The following MDGA2 variants were observed in gnomAD, a reference collection of about 807,000 sequenced individuals.
MDGA2 encodes the protein MAM domain containing glycosylphosphatidylinositol anchor 2, also known as MAM domain-containing glycosylphosphatidylinositol anchor protein 2.
Under a neutral mutation model 117.8 loss-of-function variants are expected in MDGA2, and 40 were observed. That is an observed-to-expected ratio of 0.34 (90% CI 0.26 to 0.44). MDGA2 has a LOEUF of 0.44. MDGA2 is among the 20% of genes least tolerant of loss of function. The probability of loss-of-function intolerance (pLI) is 1.00; values close to 1 mark genes in which losing one functional copy is unlikely to be tolerated. For missense variants in MDGA2, 1,123 were observed against 1,250.6 expected, an observed-to-expected ratio of 0.90 and a Z score of 1.54; for synonymous variants, 452 against 439.0, an observed-to-expected ratio of 1.03 and a Z score of -0.37.
At chr14:47,030,024 C>T (rs537586628) in intron 8 of MDGA2, among the ~76,000 whole-genome samples, 3 of 151,958 alleles carry the variant, frequency 2.0e-5, no homozygotes, top group African/African-American at 7.2e-5. Context: ...GTTGGGGTTT[C>T]ACCATGTTGG....
rs539507240 is a variant in MDGA2, at chr14:47,514,628, C to T, written c.280+159889G>A. Among the ~76,000 whole-genome samples, 10 of 152,160 alleles carry T rather than the reference C, an allele frequency of 6.6e-5. No homozygotes were observed. The South Asian group carries it at 1.0e-3, about 16-fold the overall frequency. On this transcript the variant is annotated intron_variant, in intron 1 of 16. Coordinates refer to ENST00000399232, the MANE Select transcript of MDGA2 (RefSeq NM_001113498.3). The stretch of plus-strand genomic sequence containing the variant: ...TGCCTTGCAGTCCATTTTATACAGA[C>T]GGGGTCTTATTTTATACACATATAA...
At chr14:47,333,496 T>C (rs994051512) in intron 1 of MDGA2, among the ~76,000 whole-genome samples, 1 of 151,898 alleles carries the variant, frequency 6.6e-6, no homozygotes, top group African/African-American at 2.4e-5. Context: ...TATGAAAATC[T>C]TTATTTTGGC....
At chr14:47,100,787 G>C (rs1451664214) in intron 5 of MDGA2, among the ~76,000 whole-genome samples, 1 of 152,060 alleles carries the variant, frequency 6.6e-6, no homozygotes, top group African/African-American at 2.4e-5. Context: ...CTAAATTATA[G>C]ATTATTTTAA....
At chr14:47,018,733 G>GAAAAAAAAAAAAAAA (rs60442845) in intron 8 of MDGA2, among the ~76,000 whole-genome samples, 5 of 38,652 alleles carry the variant, frequency 1.3e-4, no homozygotes, top group African/African-American at 3.4e-4. Context: ...CCATTTTACT[G>GAAAAAAAAAAAAAAA]AAAAAAAAAA....
chr14:47,138,342 A>G (rs745460863), intron 4 of MDGA2, among the ~76,000 whole-genome samples: 13 of 152,128 alleles, frequency 8.5e-5, no homozygotes, highest in Non-Finnish European at 1.9e-4. Flanking sequence ...TAATTAGACT[A>G]ATTATAACTA....
chr14:47,587,269 C>A (rs1007540520), intron 1 of MDGA2, among the ~76,000 whole-genome samples: 1 of 151,650 alleles, frequency 6.6e-6, no homozygotes, highest in African/African-American at 2.4e-5. Flanking sequence ...TACGAAACAA[C>A]CTGCACGTGT....
rs1898143603 is a variant in MDGA2 at position 47,674,670 on chromosome 14, C to G, written c.127G>C (p.Glu43Gln). The change falls in exon 1 of 17, where the codon GAG becomes CAG. Residue 43 changes from glutamate (E) to glutamine (Q), a missense_variant. This residue lies in a region of MDGA2 where 233 missense variants were observed against 200.3 expected (regional missense o/e 1.16). Coordinates refer to ENST00000399232, the MANE Select transcript of MDGA2 (RefSeq NM_001113498.3). ...AGGCCGGCGGCCAGCCAGGCGCGCT[C>G]CACTCGCGCCCGGGCCAAGCCGAGG... ...GHLGLARARV[E>Q]RAWLAAGLLK... 1 of 1,337,732 alleles carries G rather than the reference C, an allele frequency of 7.5e-7. No homozygotes were observed. The highest frequency in any genetic ancestry group is 1.3e-5 in the South Asian group (1 of 79,796). 82.9% of individuals were successfully genotyped at this position (1,337,732 alleles called of 1,614,324 possible).
intron 4 of MDGA2, among the ~76,000 whole-genome samples, chr14:47,134,775 C>CTATATAT (rs1428212329): frequency 4.3e-5 from 6 of 140,198 alleles, no homozygotes; most frequent in African/African-American, 1.3e-4. Flanking sequence ...CACACACACA[C>CTATATAT]ACTATATATA....
intron 1 of MDGA2, among the ~76,000 whole-genome samples, chr14:47,482,906 A>G (rs1351349136): frequency 1.3e-5 from 2 of 150,752 alleles, no homozygotes; most frequent in African/African-American, 2.4e-5. Flanking sequence ...GAGTAATGAA[A>G]AAAAAAAAAA....
At chr14:47,427,956 G>A (rs924010131) in intron 1 of MDGA2, among the ~76,000 whole-genome samples, 1 of 152,014 alleles carries the variant, frequency 6.6e-6, no homozygotes, top group African/African-American at 2.4e-5. Context: ...AAAATAAACT[G>A]GTGCTAAATT....
chr14:47,406,857 C>T (rs1433269440), intron 1 of MDGA2, among the ~76,000 whole-genome samples: 2 of 152,054 alleles, frequency 1.3e-5, no homozygotes, highest in Non-Finnish European at 1.5e-5. Context: ...CAACCTCACT[C>T]TCTAGGGACT....
At chr14:47,349,401 C>T (rs555157382) in intron 1 of MDGA2, among the ~76,000 whole-genome samples, 156 of 152,276 alleles carry the variant, frequency 1.0e-3, no homozygotes, top group Middle Eastern at 3.4e-3. Context: ...ATCATTATTG[C>T]TATTGACAAA....
chr14:47,038,703 C>T lies in MDGA2; in HGVS notation c.1526-3399G>A, dbSNP rs549181555. 2.4e-3 allele frequency among the ~76,000 whole-genome samples: 368 copies of T among 151,720 alleles called. 1 individual carries two copies. Among genetic ancestry groups the T allele is most frequent in the Non-Finnish European group, 3.9e-3 (265 of 67,958 alleles). On this transcript the variant is annotated intron_variant, in intron 7 of 16. Transcript: ENST00000399232. ...CTATAATTCCAGTACTTTGGGCGGC[C>T]GAGGAGGGCAGATCACAAAGTCAGG... is the stretch of plus-strand genomic sequence containing the variant.
intron 1 of MDGA2, among the ~76,000 whole-genome samples, chr14:47,488,511 G>C (rs1894104923): frequency 6.6e-6 from 1 of 151,960 alleles, no homozygotes; most frequent in African/African-American, 2.4e-5. Flanking sequence ...ACAATGATTA[G>C]CATAATAGAT....
chr14:47,604,977 T>A (rs984153777), intron 1 of MDGA2, among the ~76,000 whole-genome samples: 1 of 151,766 alleles, frequency 6.6e-6, no homozygotes, highest in East Asian at 2.0e-4. Context: ...CACAAATTCA[T>A]GGTTTTTTTT....
chr14:47,407,308 G>C (rs1892278523), intron 1 of MDGA2, among the ~76,000 whole-genome samples: 1 of 152,072 alleles, frequency 6.6e-6, no homozygotes, highest in South Asian at 2.1e-4. Flanking sequence ...TCTACATTCA[G>C]TATAATCATT....
intron 3 of MDGA2, among the ~76,000 whole-genome samples, chr14:47,191,022 T>C (rs1885089069): frequency 6.6e-6 from 1 of 152,152 alleles, no homozygotes; most frequent in African/African-American, 2.4e-5. Context: ...AGACTTGCCC[T>C]ATGGTTCTTA....
chr14:47,129,152 A>T (rs1309215421), intron 5 of MDGA2, among the ~76,000 whole-genome samples: 1 of 151,286 alleles, frequency 6.6e-6, no homozygotes, highest in Non-Finnish European at 1.5e-5. Flanking sequence ...TGTGCAGGTT[A>T]GTTACATATG....
chr14:47,633,401 T>C (rs1897272075), intron 1 of MDGA2, among the ~76,000 whole-genome samples: 1 of 152,206 alleles, frequency 6.6e-6, no homozygotes, highest in South Asian at 2.1e-4. Flanking sequence ...TAAAAGCTGC[T>C]CCTGGAAGGA....
Sources: allele counts gnomAD v4.1 joint callset (sites outside exome capture counted in the v4.1 genomes callset), GRCh38; gene constraint gnomAD v4.1.1; regional missense constraint gnomAD v4.1.1; transcripts MANE v1.5; gene names NCBI Gene and HGNC (gene_info 2026-07-23, HGNC 2026-07-21).